The following DDX10 variants were observed in gnomAD, a reference collection of about 807,000 sequenced individuals.
DDX10 encodes the protein probable ATP-dependent RNA helicase DDX10.
A neutral mutation model predicts 104.3 loss-of-function variants in DDX10; 74 were observed. The ratio of observed to expected loss-of-function variants is 0.71; its 90% CI spans 0.59 to 0.86. The LOEUF (loss-of-function observed/expected upper bound fraction) is 0.86. DDX10 is among the 40% of genes least tolerant of loss of function. The pLI is 0.00. For synonymous variants in DDX10, 351 were observed against 353.4 expected (o/e 0.99, Z 0.08); for missense variants, 952 against 1,040.0 (o/e 0.92, Z 1.16).
At position 108,691,905 on chromosome 11, in the gene DDX10, G is replaced by C. The variant is rs144415130; in HGVS notation, c.1005G>C (p.Arg335=). 85 of 1,613,942 alleles carry C rather than the reference G, an allele frequency of 5.3e-5. No homozygotes were observed. The highest frequency in any genetic ancestry group is 6.9e-5 in the Non-Finnish European group (82 of 1,179,990). ...AGTATCTGTACCGAGTGTTTTGCCG[G>C]CTACGTCCTGGTGTTTCTATCCTTG... is the stretch of plus-strand genomic sequence containing the variant. ...EVQYLYRVFC[R]LRPGVSILAL... is the part of the protein sequence containing the mutation. Residue 335 remains arginine (R), a synonymous_variant, in exon 8 of 18, where the codon CGG becomes CGC. Coordinates refer to ENST00000322536, the MANE Select transcript of DDX10 (RefSeq NM_004398.4).
intron 13 of DDX10, among the ~76,000 whole-genome samples, chr11:108,834,249 G>T (rs571888736): frequency 9.1e-6 from 1 of 109,856 alleles, no homozygotes; most frequent in South Asian, 2.9e-4. Flanking sequence ...TTACAGGCAT[G>T]AGGCACCTAC....
Position 108,665,177 on chromosome 11 carries a change from G to T in DDX10, c.24G>T (p.Pro8=). 6.2e-7 allele frequency: 1 copy of T among 1,611,036 alleles called. No individual in the cohort carries two copies. Among genetic ancestry groups the T allele is most frequent in the Non-Finnish European group, 8.5e-7 (1 of 1,178,936 alleles). The part of the protein sequence containing the change: MGKTANS[P]GSGARPDPVR... ...CAATGGGCAAAACGGCCAACTCTCC[G>T]GGTTCGGGAGCCCGACCCGACCCGG... The change falls in exon 1 of 18, where the codon CCG becomes CCT. Residue 8 remains proline (P), a synonymous_variant. Coordinates refer to ENST00000322536, the MANE Select transcript of DDX10 (RefSeq NM_004398.4).
At chr11:108,676,089 C>T (rs2094224675) in intron 3 of DDX10, among the ~76,000 whole-genome samples, 3 of 152,196 alleles carry the variant, frequency 2.0e-5, no homozygotes, top group Non-Finnish European at 1.5e-5. Context: ...GTGAGCCTGC[C>T]AGTGGCATTT....
At chr11:108,776,299 G>T (rs1471107093) in intron 13 of DDX10, among the ~76,000 whole-genome samples, 2 of 152,130 alleles carry the variant, frequency 1.3e-5, no homozygotes, top group Non-Finnish European at 2.9e-5. Context: ...TTTGCCACTT[G>T]CACGTGCATT....
intron 17 of DDX10, among the ~76,000 whole-genome samples, chr11:108,924,068 G>C (rs904149602): frequency 6.6e-6 from 1 of 151,844 alleles, no homozygotes; most frequent in African/African-American, 2.4e-5. Flanking sequence ...GGCCATCTTC[G>C]TGTGAATTGC....
chr11:108,814,935 G>A (rs1256768221), intron 13 of DDX10, among the ~76,000 whole-genome samples: 6 of 152,170 alleles, frequency 3.9e-5, no homozygotes, highest in African/African-American at 1.2e-4. Context: ...TCATTGCCCA[G>A]CTTGTTAGAG....
chr11:108,901,096 A>G (rs1464246776), intron 16 of DDX10, among the ~76,000 whole-genome samples: 2 of 152,142 alleles, frequency 1.3e-5, no homozygotes, highest in East Asian at 1.9e-4. Context: ...CCTCCCTAGC[A>G]TTGTAATTAT....
Position 108,706,597 on chromosome 11 carries a change from T to C in DDX10, c.1224-142T>C, listed in dbSNP as rs1354954609. The C allele has an allele frequency of 1.3e-5, 9 of 683,956 alleles. No individual in the cohort carries two copies. In the African/African-American group the frequency reaches 1.4e-4, roughly 11 times the overall value. The allele number at this position is 683,956 out of a possible 1,614,324, so 42.4% of individuals were successfully genotyped here. ...TATGAGGTGTTCAGAGCCCTAGTTTTCTGTTATCAGAGATTAAAAGCCAGT... is the reference window on the plus strand; with the variant it reads ...TATGAGGTGTTCAGAGCCCTAGTTTCCTGTTATCAGAGATTAAAAGCCAGT... On this transcript the variant is annotated intron_variant, in intron 9 of 17. Coordinates refer to ENST00000322536, the MANE Select transcript of DDX10 (RefSeq NM_004398.4).
intron 13 of DDX10, among the ~76,000 whole-genome samples, chr11:108,788,678 TAA>T (rs1256989774): frequency 2.0e-5 from 3 of 152,256 alleles, no homozygotes; most frequent in East Asian, 3.8e-4. Context: ...GCTAGATTTT[TAA>T]AAGTTTTCAC....
intron 13 of DDX10, among the ~76,000 whole-genome samples, chr11:108,783,911 G>A (rs138401635): frequency 1.1e-4 from 16 of 152,258 alleles, no homozygotes; most frequent in African/African-American, 3.9e-4. Context: ...GTAAGAATAT[G>A]CCACATTTTG....
At chr11:108,806,694 C>T (rs1037503723) in intron 13 of DDX10, among the ~76,000 whole-genome samples, 5 of 151,980 alleles carry the variant, frequency 3.3e-5, no homozygotes, top group Admixed American at 2.0e-4. Context: ...TCTCAGAGGG[C>T]GCGTTGGATC....
rs996064410 is a variant in DDX10, at chr11:108,758,014, G to A, written c.1965+34552G>A. 2.0e-5 allele frequency among the ~76,000 whole-genome samples: 3 copies of A among 151,948 alleles called. No homozygotes were observed. In the Admixed American group the frequency reaches 2.0e-4, roughly 10 times the overall value. ...TATGCTTGGGCTGCCTACTGCTACAGCAACCTCAGTTGGGCGCTTCTTCTT... is the reference window on the plus strand; with the variant it reads ...TATGCTTGGGCTGCCTACTGCTACAACAACCTCAGTTGGGCGCTTCTTCTT... On this transcript the variant is annotated intron_variant, in intron 13 of 17. Coordinates refer to ENST00000322536, the MANE Select transcript of DDX10 (RefSeq NM_004398.4).
chr11:108,812,620 T>C (rs1157074835), intron 13 of DDX10, among the ~76,000 whole-genome samples: 1 of 152,190 alleles, frequency 6.6e-6, no homozygotes, highest in Admixed American at 6.6e-5. Flanking sequence ...TTGACTTGAT[T>C]GATTATAGCA....
At chr11:108,780,136 A>G (rs893836680) in intron 13 of DDX10, among the ~76,000 whole-genome samples, 3 of 152,222 alleles carry the variant, frequency 2.0e-5, no homozygotes, top group Non-Finnish European at 2.9e-5. Context: ...GATAAGGACC[A>G]TAGCTATCGA....
chr11:108,718,179 T>C (rs1565257177), intron 11 of DDX10, among the ~76,000 whole-genome samples: 1 of 150,962 alleles, frequency 6.6e-6, no homozygotes, highest in East Asian at 1.9e-4. Context: ...AAAAAAAAAA[T>C]TGTCTAGAGT....
At chr11:108,681,674 T>C (rs1024333603) in intron 6 of DDX10, among the ~76,000 whole-genome samples, 74 of 152,220 alleles carry the variant, frequency 4.9e-4, no homozygotes, top group African/African-American at 1.7e-3. Flanking sequence ...TACTAGTGTT[T>C]TCATTATGTG....
chr11:108,925,002 T>C (rs1254630496), intron 17 of DDX10, among the ~76,000 whole-genome samples: 1 of 152,230 alleles, frequency 6.6e-6, no homozygotes, highest in Non-Finnish European at 1.5e-5. Flanking sequence ...TGCCATTCTT[T>C]CCTCTTACTC....
intron 13 of DDX10, among the ~76,000 whole-genome samples, chr11:108,791,885 C>T (rs1861875993): frequency 6.6e-6 from 1 of 152,132 alleles, no homozygotes; most frequent in Non-Finnish European, 1.5e-5. Context: ...GTGGCTGTGA[C>T]TGCGTATTTG....
chr11:108,711,762 C>G (rs2094284750), intron 10 of DDX10, among the ~76,000 whole-genome samples: 1 of 152,172 alleles, frequency 6.6e-6, no homozygotes, highest in Non-Finnish European at 1.5e-5. Flanking sequence ...TCCATGTGAG[C>G]TTGAGAAGAT....
Sources: gnomAD v4.1 joint callset for allele counts (sites outside exome capture counted in the v4.1 genomes callset) on GRCh38, gnomAD v4.1.1 for gene constraint, MANE v1.5 for transcripts, NCBI Gene and HGNC (gene_info 2026-07-23, HGNC 2026-07-21) for gene names.